Variants in MOV10L1 observed in about 807,000 individuals in gnomAD.
The protein encoded by MOV10L1 is RNA helicase Mov10l1.
MOV10L1 carries 110 observed loss-of-function variants against 143.8 expected under a neutral mutation model. That is an observed-to-expected ratio of 0.76 (90% confidence interval 0.66 to 0.90). The LOEUF (loss-of-function observed/expected upper bound fraction) is 0.90. Among genes scored for constraint, MOV10L1 ranks in the 40% least tolerant of loss-of-function variants. The pLI, the probability that MOV10L1 is intolerant of heterozygous loss-of-function variation, is 0.00. For synonymous variants in MOV10L1, 593 were observed against 581.1 expected (o/e 1.02, Z -0.29); for missense variants, 1,406 against 1,526.8 (o/e 0.92, Z 1.32).
intron 12 of MOV10L1, among the ~76,000 whole-genome samples, chr22:50,126,660 A>G (rs892771962): frequency 6.6e-5 from 10 of 152,076 alleles, no homozygotes; most frequent in Non-Finnish European, 1.0e-4. Flanking sequence ...GGTGCTCCAG[A>G]TGGTTCTGCA....
chr22:50,144,605 G>A (rs1473063338), intron 18 of MOV10L1, among the ~76,000 whole-genome samples: 7 of 150,478 alleles, frequency 4.7e-5, no homozygotes, highest in African/African-American at 7.4e-5. Flanking sequence ...TTTTTGAGAC[G>A]GAGTCTCGCT....
At position 50,149,723 on chromosome 22, in the gene MOV10L1, C is replaced by T. The variant is rs9628291; in HGVS notation, c.2727+9C>T. The T allele has an allele frequency of 1.2e-5, 20 of 1,610,566 alleles. No individual in the cohort carries two copies. The highest frequency in any genetic ancestry group is 6.6e-5 in the South Asian group (6 of 90,684). The stretch of plus-strand genomic sequence containing the variant: ...CGGACATCAGTGGCCAGGTAAGTCC[C>T]GACTACTGTGTGTGCTGCTTCCTCC... On this transcript the variant is annotated intron_variant, in intron 20 of 26. Coordinates refer to ENST00000262794, the MANE Select transcript of MOV10L1 (RefSeq NM_018995.3).
chr22:50,108,277 G>A (rs780655111), intron 4 of MOV10L1, 29 bp downstream of exon 4: 4 of 1,583,844 alleles, frequency 2.5e-6, no homozygotes, highest in Non-Finnish European at 3.4e-6. Flanking sequence ...GCTCCTCTCT[G>A]TGCTTCTGGC....
chr22:50,149,473 A>T, intron 19 of MOV10L1, 142 bp from the exon 20 acceptor site: 2 of 695,842 alleles, frequency 2.9e-6, no homozygotes, highest in Non-Finnish European at 4.9e-6. Flanking sequence ...GCCGGGTGAC[A>T]CCCAGACCCC....
At chr22:50,131,736 G>A (rs67988968) in intron 13 of MOV10L1, among the ~76,000 whole-genome samples, 120 of 91,168 alleles carry the variant, frequency 1.3e-3, no homozygotes, top group Middle Eastern at 5.3e-3. Context: ...AAAAAAAAAA[G>A]AAAATCAGTT....
chr22:50,091,932 C>T (rs1014968952), intron 1 of MOV10L1, 69 bp from the exon 2 acceptor site: 19 of 1,481,352 alleles, frequency 1.3e-5, no homozygotes, highest in East Asian at 6.9e-5. Flanking sequence ...CTGCCTTTCT[C>T]TGGTGGGGTT....
chr22:50,109,797 G>A (rs776036928), intron 5 of MOV10L1: 12 of 156,510 alleles, frequency 7.7e-5, no homozygotes, highest in Non-Finnish European at 1.4e-4. Flanking sequence ...AGCTGTGATC[G>A]TGCTACCGCA....
chr22:50,123,990 T>C (rs964253227), intron 10 of MOV10L1, among the ~76,000 whole-genome samples: 1 of 152,184 alleles, frequency 6.6e-6, no homozygotes, highest in Non-Finnish European at 1.5e-5. Flanking sequence ...TGTTCCCACT[T>C]TCCTATCTTA....
At chr22:50,099,334 T>C in intron 2 of MOV10L1, 109 bp from the exon 3 acceptor site, 2 of 1,335,962 alleles carry the variant, frequency 1.5e-6, no homozygotes, top group Non-Finnish European at 2.0e-6. Context: ...TGCCAGGGCC[T>C]TGATCTTGGA....
At chr22:50,141,286 T>G (rs2062978129) in intron 15 of MOV10L1, among the ~76,000 whole-genome samples, 1 of 152,092 alleles carries the variant, frequency 6.6e-6, no homozygotes, top group Non-Finnish European at 1.5e-5. Context: ...TCTGCCCGCC[T>G]CAGCCTCCCA....
Position 50,114,416 on chromosome 22 carries a change from G to A in MOV10L1, c.920G>A (p.Cys307Tyr), listed in dbSNP as rs368881206. The A allele has an allele frequency of 1.0e-4, 164 of 1,614,028 alleles. No homozygotes were observed. The highest frequency in any genetic ancestry group is 1.4e-4 in the Non-Finnish European group (160 of 1,180,020). Reference sequence around the variant, plus strand: ...GACATTCCTCAAAACTTAGTCAGCTGTAAACTGGCTGGCTGGGATAAATCT... The same window carrying A: ...GACATTCCTCAAAACTTAGTCAGCTATAAACTGGCTGGCTGGGATAAATCT... ...KGDIPQNLVS[C>Y]KLAGWDKSKQ... Residue 307 changes from cysteine to tyrosine, a missense_variant, in exon 7 of 27, where the codon TGT (cysteine) becomes TAT (tyrosine). By Grantham distance (194) the Cys-to-Tyr change is radical. This residue lies in a region of MOV10L1 where 1,233 missense variants were observed against 1,351.4 expected (regional missense o/e 0.91). Coordinates refer to ENST00000262794, the MANE Select transcript of MOV10L1 (RefSeq NM_018995.3).
chr22:50,111,486 C>CTTTTTT (rs529438045), intron 5 of MOV10L1, among the ~76,000 whole-genome samples: 2 of 59,148 alleles, frequency 3.4e-5, no homozygotes, highest in Non-Finnish European at 6.4e-5. Context: ...TCTGTCTTTG[C>CTTTTTT]TTTTTTTTTT....
chr22:50,114,752 T>C (rs2062122385), intron 7 of MOV10L1, 130 bp downstream of exon 7: 30 of 1,361,636 alleles, frequency 2.2e-5, no homozygotes, highest in Non-Finnish European at 2.9e-5. Context: ...TGCTCTGAGC[T>C]CTTCGGCTTC....
At chr22:50,139,612 T>C (rs2062925490) in intron 15 of MOV10L1, among the ~76,000 whole-genome samples, 1 of 151,506 alleles carries the variant, frequency 6.6e-6, no homozygotes, top group Non-Finnish European at 1.5e-5. Context: ...AGAGAAAATA[T>C]TTGCAAATCA....
At chr22:50,138,299 G>A (rs1893748396) in intron 15 of MOV10L1, among the ~76,000 whole-genome samples, 1 of 152,152 alleles carries the variant, frequency 6.6e-6, no homozygotes, top group South Asian at 2.1e-4. Context: ...GCCGGGTGTG[G>A]TGACTCGTGC....
rs1208455814 is a variant in MOV10L1, at chr22:50,161,408, C to T, written c.3595C>T (p.Pro1199Ser). The T allele has an allele frequency of 1.9e-6, 3 of 1,601,392 alleles. No individual in the cohort carries two copies. Among genetic ancestry groups the T allele is most frequent in the Non-Finnish European group, 2.6e-6 (3 of 1,174,236 alleles). The change falls in exon 27 of 27, where the codon CCA becomes TCA. Residue 1199 changes from proline to serine, a missense_variant. By Grantham distance (74) the Pro-to-Ser change is moderately conservative. Around this residue, in one of 3 missense-constraint regions of MOV10L1, gnomAD observed 1,233 missense variants for 1,351.4 expected, o/e 0.91. Coordinates refer to ENST00000262794, the MANE Select transcript of MOV10L1 (RefSeq NM_018995.3). ...GVADPSYPVVPESTGPEKHQE... is the reference protein window; with the variant it reads ...GVADPSYPVVSESTGPEKHQE... ...GGCAGACCCCTCCTACCCAGTGGTG[C>T]CAGAATCCACAGGACCAGAGAAGCA... is the stretch of plus-strand genomic sequence containing the variant.
intron 2 of MOV10L1, among the ~76,000 whole-genome samples, chr22:50,099,071 A>C (rs1041095793): frequency 6.6e-6 from 1 of 152,166 alleles, no homozygotes; most frequent in Non-Finnish European, 1.5e-5. Context: ...ATAATATTTC[A>C]TTGAGGATTT....
In MOV10L1 at chr22:50,117,368, G is replaced by A. The variant is rs2062210153; in HGVS notation, c.1454+17G>A. 2 of 1,609,734 alleles carry A rather than the reference G, an allele frequency of 1.2e-6. No individual in the cohort carries two copies. Among genetic ancestry groups the A allele is most frequent in the Non-Finnish European group, 1.7e-6 (2 of 1,177,540 alleles). ...ACAGAAAAGGTACCATAACTGAAAT[G>A]AGTGTGGCTCTTGGTCTGGCAGTTT... On this transcript the variant is annotated intron_variant, in intron 9 of 26. Coordinates refer to ENST00000262794, the MANE Select transcript of MOV10L1 (RefSeq NM_018995.3).
Position 50,159,905 on chromosome 22 carries a change from C to T in MOV10L1, c.3324+120C>T, listed in dbSNP as rs935995086. The T allele has an allele frequency of 7.6e-6, 5 of 659,166 alleles. No homozygotes were observed. The highest frequency in any genetic ancestry group is 1.8e-5 in the African/African-American group (1 of 54,142). The allele number at this position is 659,166 out of a possible 1,614,324, so 40.8% of individuals were successfully genotyped here. On this transcript the variant is annotated intron_variant, in intron 24 of 26. Coordinates refer to ENST00000262794, the MANE Select transcript of MOV10L1 (RefSeq NM_018995.3). The surrounding 1 kb of genome is among the most constrained non-coding windows in gnomAD (Gnocchi z 4.1). ...CCCAGCCCAGAGAAGCAGCTGCAGG[C>T]GGAGACTCCCTAGGTCCAGGAGCCA...
Sources: allele counts gnomAD v4.1 joint callset (sites outside exome capture counted in the v4.1 genomes callset), GRCh38; gene constraint gnomAD v4.1.1; regional missense constraint gnomAD v4.1.1; non-coding constraint Gnocchi (gnomAD v3.1); transcripts MANE v1.5; gene names NCBI Gene and HGNC (gene_info 2026-07-23, HGNC 2026-07-21).